ATP1A2: variants seen among roughly 807,000 people sequenced by gnomAD.
The protein encoded by ATP1A2 is sodium/potassium-transporting ATPase subunit alpha-2.
Under a neutral mutation model 113.1 loss-of-function variants are expected in ATP1A2, and 56 were observed. The observed-to-expected ratio is 0.49, with a 90% CI of 0.40 to 0.62. The LOEUF is 0.62. Among genes scored for constraint, ATP1A2 ranks in the 20% least tolerant of loss-of-function variants. ATP1A2 has a pLI of 0.00. For missense variants in ATP1A2, 712 were observed against 1,357.8 expected (o/e 0.52, Z 7.47); for synonymous variants, 490 against 526.8 (o/e 0.93, Z 0.96).
rs201879002 is a variant in ATP1A2, at chr1:160,139,736, G to A, written c.2937G>A (p.Pro979=). 2.4e-5 allele frequency: 38 copies of A among 1,613,972 alleles called. No individual in the cohort carries two copies. Among genetic ancestry groups the A allele is most frequent in the Admixed American group, 3.3e-5 (2 of 60,004 alleles). Reference sequence around the variant, plus strand: ...TGGGTGTAGCCCTCCGCATGTACCCGCTCAAGTGAGTGTCTCTTTCGGGCG... The same window carrying A: ...TGGGTGTAGCCCTCCGCATGTACCCACTCAAGTGAGTGTCTCTTTCGGGCG... ...PGMGVALRMY[P]LKVTWWFCAF... Residue 979 remains proline (P), a synonymous_variant, in exon 21 of 23, where the codon CCG becomes CCA. Transcript: ENST00000361216.
intron 20 of ATP1A2, among the ~76,000 whole-genome samples, chr1:160,138,068 G>A (rs1304341962): frequency 6.6e-6 from 1 of 152,196 alleles, no homozygotes; most frequent in Non-Finnish European, 1.5e-5. Context: ...ACGAAGGTGG[G>A]AACATGGCCA....
intron 21 of ATP1A2, 53 bp downstream of exon 21, chr1:160,139,794 C>T (rs890102729): frequency 6.2e-7 from 1 of 1,611,952 alleles, no homozygotes; most frequent in Non-Finnish European, 8.5e-7. Context: ...CCTTCAGCCC[C>T]CTCCAGGATC....
chr1:160,133,111 A>T (rs1388405578), intron 13 of ATP1A2, among the ~76,000 whole-genome samples: 1 of 152,082 alleles, frequency 6.6e-6, no homozygotes, highest in Non-Finnish European at 1.5e-5. Context: ...TGCTTCTTCC[A>T]TCCTACTAGG....
In ATP1A2 at chr1:160,136,310, A is replaced by G; in HGVS notation, c.2503A>G (p.Asn835Asp). ...TGATATCATGAAGCGGCAGCCACGA[A>G]ACTCCCAGACGGACAAGCTGGTGAA... Reference protein sequence around the residue: ...ESDIMKRQPRNSQTDKLVNER... With the variant: ...ESDIMKRQPRDSQTDKLVNER... Residue 835 changes from asparagine (N) to aspartate (D), a missense_variant, in exon 18 of 23, where the codon AAC (asparagine) becomes GAC (aspartate). Around this residue, in one of 6 missense-constraint regions of ATP1A2, gnomAD observed 188 missense variants for 438.9 expected, o/e 0.43. Transcript: ENST00000361216. 1 of 1,614,166 alleles carries G rather than the reference A, an allele frequency of 6.2e-7. No individual in the cohort carries two copies. Among genetic ancestry groups the G allele is most frequent in the Non-Finnish European group, 8.5e-7 (1 of 1,180,008 alleles).
chr1:160,141,388 T>C lies in ATP1A2; in HGVS notation c.*66T>C, dbSNP rs1433041361. The C allele has an allele frequency of 6.3e-6, 10 of 1,592,690 alleles. No homozygotes were observed. The highest frequency in any genetic ancestry group is 7.8e-6 in the Non-Finnish European group (9 of 1,160,880). Reference sequence around the variant, plus strand: ...TCTGGAGGTGTTGTGGGGATGGTGATGGAGAGGGATGGAAATAACGGGTGG... The same window carrying C: ...TCTGGAGGTGTTGTGGGGATGGTGACGGAGAGGGATGGAAATAACGGGTGG... On this transcript the variant is annotated 3_prime_UTR_variant, in exon 23 of 23. Coordinates refer to ENST00000361216, the MANE Select transcript of ATP1A2 (RefSeq NM_000702.4).
rs369393630 is a variant in ATP1A2, at chr1:160,135,649, G to C, written c.2284+47G>C. 1.5e-5 allele frequency: 24 copies of C among 1,612,396 alleles called. No individual in the cohort carries two copies. Among genetic ancestry groups the C allele is most frequent in the Non-Finnish European group, 1.9e-5 (23 of 1,179,944 alleles). ...GGATGGTTTGCAGGATACTGAAGCC[G>C]GCACCTCTGTTCCCTGTCCCTTTAC... On this transcript the variant is annotated intron_variant, in intron 16 of 22. Coordinates refer to ENST00000361216, the MANE Select transcript of ATP1A2 (RefSeq NM_000702.4). This position sits in a 1 kb window ranked among gnomAD's most constrained non-coding sequence, Gnocchi z 6.3.
At chr1:160,137,229 G>A (rs2101996727) in intron 20 of ATP1A2, 198 bp downstream of exon 20, 1 of 832,286 alleles carries the variant, frequency 1.2e-6, no homozygotes, top group Non-Finnish European at 1.9e-6. Context: ...TTTGCATTTT[G>A]TTATTGTCTC....
chr1:160,121,417 C>A, intron 3 of ATP1A2, 166 bp downstream of exon 3: 1 of 801,750 alleles, frequency 1.2e-6, no homozygotes, highest in Non-Finnish European at 2.1e-6. Flanking sequence ...GGTGGCACAG[C>A]CAGAACTAGA....
rs376259974 is a variant in ATP1A2, at chr1:160,136,981, C to T, written c.2790C>T (p.Asp930=). The change falls in exon 20 of 23, where the codon GAC becomes GAT. Residue 930 remains aspartate, a synonymous_variant. Transcript: ENST00000361216. ...GCATCGTGGTGGTGCAGTGGGCTGA[C>T]CTCATCATCTGCAAGACCCGCCGCA... is the stretch of plus-strand genomic sequence containing the variant. ...FASIVVVQWA[D]LIICKTRRNS... The T allele has an allele frequency of 1.9e-5, 31 of 1,614,024 alleles. No homozygotes were observed. The African/African-American group carries it at 2.8e-4, about 15-fold the overall frequency.
chr1:160,130,004 G>A (rs1164237401), intron 11 of ATP1A2, 98 bp from the exon 12 acceptor site: 2 of 1,458,876 alleles, frequency 1.4e-6, no homozygotes, highest in East Asian at 4.5e-5. Flanking sequence ...GATGGGTTGG[G>A]GCTACTTTTC....
At chr1:160,122,420 GAA>G (rs112709297) in intron 3 of ATP1A2, among the ~76,000 whole-genome samples, 55 of 137,160 alleles carry the variant, frequency 4.0e-4, no homozygotes, top group South Asian at 9.1e-4. Flanking sequence ...ATGAATGAAT[GAA>G]AAAAAAAAAA....
chr1:160,135,124 C>T lies in ATP1A2; in HGVS notation c.1965-21C>T. On this transcript the variant is annotated intron_variant, in intron 14 of 22. Transcript: ENST00000361216. The surrounding 1 kb of genome is among the most constrained non-coding windows in gnomAD (Gnocchi z 6.3). ...TACAGGTGCCAGGGGTCAGCTGTCT[C>T]TGTCCCCACCCACCCTCCAGAGAAG... The T allele has an allele frequency of 1.9e-6, 3 of 1,613,896 alleles. No homozygotes were observed. The highest frequency in any genetic ancestry group is 2.5e-6 in the Non-Finnish European group (3 of 1,179,994).
rs372138843 is a variant in ATP1A2, at chr1:160,123,131, C to G, written c.178-82C>G. The stretch of plus-strand genomic sequence containing the variant: ...TTTCCTTCTGGGCATTCTTCCCATG[C>G]CCGGGAGCTGAAGGGATGGGCATGG... On this transcript the variant is annotated intron_variant, in intron 3 of 22. Transcript: ENST00000361216. 3.9e-4 allele frequency: 585 copies of G among 1,514,410 alleles called. 2 individuals are homozygous for G. In the South Asian group the frequency reaches 6.1e-3, roughly 16 times the overall value. The allele number at this position is 1,514,410 out of a possible 1,614,324, so 93.8% of individuals were successfully genotyped here. A position where few individuals can be genotyped will look rare whatever the true frequency, so the allele number is the denominator to read the frequency against.
At chr1:160,141,179 C>T (rs546481258) in intron 22 of ATP1A2, 115 bp from the exon 23 acceptor site, 34 of 1,268,830 alleles carry the variant, frequency 2.7e-5, no homozygotes, top group Admixed American at 3.8e-5. Flanking sequence ...TCCCCCAGTG[C>T]CCTTCACCAG....
intron 6 of ATP1A2, 147 bp from the exon 7 acceptor site, chr1:160,124,989 G>A: frequency 1.4e-6 from 1 of 714,612 alleles, no homozygotes; most frequent in Non-Finnish European, 2.5e-6. Context: ...CAATAGATGA[G>A]TAATGCCATA....
chr1:160,122,016 C>T (rs1236053404), intron 3 of ATP1A2, among the ~76,000 whole-genome samples: 1 of 152,096 alleles, frequency 6.6e-6, no homozygotes, highest in Non-Finnish European at 1.5e-5. Flanking sequence ...CCTGTAATCC[C>T]ACCTACTCGA....
chr1:160,124,139 T>TC (rs1475837865), intron 5 of ATP1A2, 83 bp downstream of exon 5: 1 of 1,577,368 alleles, frequency 6.3e-7, no homozygotes, highest in African/African-American at 1.3e-5. Flanking sequence ...TCCCAGGCTC[T>TC]AAGATAGAGA....
intron 13 of ATP1A2, among the ~76,000 whole-genome samples, chr1:160,131,613 A>T (rs756247014): frequency 7.9e-5 from 12 of 152,060 alleles, no homozygotes; most frequent in Non-Finnish European, 1.6e-4. Flanking sequence ...ATCACCTGAG[A>T]TAAGGAGTCC....
At chr1:160,122,017 A>C (rs778336875) in intron 3 of ATP1A2, among the ~76,000 whole-genome samples, 8 of 152,076 alleles carry the variant, frequency 5.3e-5, no homozygotes, top group South Asian at 4.1e-4. Context: ...CTGTAATCCC[A>C]CCTACTCGAG....
Sources: gnomAD v4.1 joint callset for allele counts (sites outside exome capture counted in the v4.1 genomes callset) on GRCh38, gnomAD v4.1.1 for gene constraint, gnomAD v4.1.1 regional missense constraint, Gnocchi (gnomAD v3.1) non-coding constraint, MANE v1.5 for transcripts, NCBI Gene and HGNC (gene_info 2026-07-23, HGNC 2026-07-21) for gene names.